The following KYAT3 variants were observed in gnomAD, a reference collection of about 807,000 sequenced individuals.
KYAT3 encodes kynurenine--oxoglutarate transaminase 3.
A neutral mutation model predicts 59.0 loss-of-function variants in KYAT3; 50 were observed. The observed-to-expected ratio is 0.85, with a 90% confidence interval of 0.68 to 1.07. The LOEUF is 1.07. Among genes scored for constraint, KYAT3 ranks in the 50% least tolerant of loss-of-function variants. The pLI, the probability that KYAT3 is intolerant of heterozygous loss-of-function variation, is 0.00. For synonymous variants in KYAT3, 148 were observed against 177.0 expected (o/e 0.84, Z 1.30); for missense variants, 497 against 533.3 (o/e 0.93, Z 0.67).
chr1:88,955,097 A>G, intron 9 of KYAT3, 52 bp downstream of exon 9: 1 of 1,221,790 alleles, frequency 8.2e-7, no homozygotes, highest in Non-Finnish European at 1.2e-6. Context: ...TCAACAAAAA[A>G]TAAATAATAT....
At chr1:88,989,722 G>A (rs970902614) in intron 1 of KYAT3, among the ~76,000 whole-genome samples, 1 of 152,116 alleles carries the variant, frequency 6.6e-6, no homozygotes, top group Non-Finnish European at 1.5e-5. Context: ...TAGGTACCAG[G>A]CCTCAATGCC....
intron 2 of KYAT3, among the ~76,000 whole-genome samples, chr1:88,976,091 G>A (rs924820285): frequency 2.6e-5 from 4 of 151,786 alleles, no homozygotes; most frequent in African/African-American, 9.7e-5. Flanking sequence ...AGGTGCAGTG[G>A]CTCACGCCTG....
Position 88,953,151 on chromosome 1 carries a change from A to T in KYAT3, c.866T>A (p.Leu289His). The change falls in exon 10 of 14, where the codon CTT becomes CAT. Residue 289 changes from leucine to histidine, a missense_variant and splice_region_variant. Transcript: ENST00000260508. ...ATGATTTGGACCAATGGACCAGCCA[A>T]GCTGGGAAAGGAAAAGATAAAAGAT... ...GKTFSVTGWK[L>H]GWSIGPNHLI... The T allele has an allele frequency of 6.2e-7, 1 of 1,604,908 alleles. No individual in the cohort carries two copies. Among genetic ancestry groups the T allele is most frequent in the South Asian group, 1.1e-5 (1 of 90,856 alleles).
At chr1:88,926,830 C>T in the KYAT3 span, among the ~76,000 whole-genome samples, 236 of 152,258 alleles carry the variant, frequency 1.5e-3, no homozygotes, top group Non-Finnish European at 2.0e-3. Context: ...TTACCCACAC[C>T]CTCTCTGAAA....
Position 88,936,164 on chromosome 1 carries a change from T to C in KYAT3, c.*19A>G. ...CATACTAGGTCATCTAACAGAAACA[T>C]TAATCCATTCTGCACAAATCAAGAC... On this transcript the variant is annotated 3_prime_UTR_variant, in exon 14 of 14. Transcript: ENST00000260508. The C allele has an allele frequency of 6.4e-7, 1 of 1,569,352 alleles. No individual in the cohort carries two copies. The highest frequency in any genetic ancestry group is 8.7e-7 in the Non-Finnish European group (1 of 1,143,928).
At chr1:88,983,376 T>C in intron 2 of KYAT3, 1 of 1,614,214 alleles carries the variant, frequency 6.2e-7, no homozygotes, top group Non-Finnish European at 8.5e-7. Context: ...GGTGGTCCTC[T>C]TTTTACTGGG....
chr1:88,930,804 T>C (rs1674891358), downstream of KYAT3, among the ~76,000 whole-genome samples: 1 of 152,152 alleles, frequency 6.6e-6, no homozygotes, highest in Non-Finnish European at 1.5e-5. Flanking sequence ...AGATTATTAT[T>C]GGCTATAAAG....
chr1:88,982,944 G>C (rs1189512202), intron 2 of KYAT3: 1 of 1,613,934 alleles, frequency 6.2e-7, no homozygotes, highest in African/African-American at 1.3e-5. Flanking sequence ...CGTGTAAGTG[G>C]AGCACTACGT....
intron 13 of KYAT3, among the ~76,000 whole-genome samples, chr1:88,941,530 TA>T (rs1436273147): frequency 7.6e-5 from 9 of 118,704 alleles, no homozygotes; most frequent in Middle Eastern, 5.1e-3. Context: ...TCTAGGCTGT[TA>T]TTTTTTTTTT....
chr1:88,939,987 A>G (rs2101013147), intron 13 of KYAT3, among the ~76,000 whole-genome samples: 1 of 151,894 alleles, frequency 6.6e-6, no homozygotes, highest in Non-Finnish European at 1.5e-5. Flanking sequence ...ATTCTCTAAC[A>G]CTTGTTTTTC....
chr1:88,975,352 C>T (rs1375549327), intron 2 of KYAT3, among the ~76,000 whole-genome samples: 1 of 152,162 alleles, frequency 6.6e-6, no homozygotes, highest in Non-Finnish European at 1.5e-5. Flanking sequence ...TGGGTTTCAC[C>T]ACGTTAGCCA....
intron 8 of KYAT3, among the ~76,000 whole-genome samples, chr1:88,959,486 T>C (rs1676060985): frequency 6.8e-6 from 1 of 147,442 alleles, no homozygotes; most frequent in Non-Finnish European, 1.5e-5. Context: ...GGCAGGAGAA[T>C]TGTTGGAATC....
At chr1:88,967,542 G>A (rs1676392794) in intron 4 of KYAT3, among the ~76,000 whole-genome samples, 1 of 152,010 alleles carries the variant, frequency 6.6e-6, no homozygotes. Context: ...TTGTTTGCAG[G>A]AAGACTTTAA....
At chr1:88,967,886 A>G (rs1050122834) in intron 4 of KYAT3, among the ~76,000 whole-genome samples, 1 of 152,014 alleles carries the variant, frequency 6.6e-6, no homozygotes, top group African/African-American at 2.4e-5. Flanking sequence ...CTAGCCTTTC[A>G]TTATGGATTT....
rs1480592231 is a variant in KYAT3, at chr1:88,992,591, G to A, written c.-8C>T. 6.6e-6 allele frequency: 1 copy of A among 152,632 alleles called. No homozygotes were observed. 9.5% of individuals were successfully genotyped at this position (152,632 alleles called of 1,614,324 possible). ...GCGCGCCCGCCCCACTCACCTATCC[G>A]GTGCGGGAACCTCGCCTCCCTAGGC... On this transcript the variant is annotated 5_prime_UTR_variant, in exon 1 of 14. Coordinates refer to ENST00000260508, the MANE Select transcript of KYAT3 (RefSeq NM_001008661.3).
chr1:88,982,478 T>C (rs1337068001), intron 2 of KYAT3: 5 of 1,108,724 alleles, frequency 4.5e-6, no homozygotes, highest in Non-Finnish European at 6.3e-6. Flanking sequence ...AAATTAAACA[T>C]GTTTTACTTT....
intron 8 of KYAT3, among the ~76,000 whole-genome samples, chr1:88,958,977 C>T (rs770260738): frequency 1.3e-5 from 2 of 152,144 alleles, no homozygotes; most frequent in East Asian, 1.9e-4. Context: ...CTAAAACACA[C>T]CCTCATAAAT....
chr1:88,963,879 C>T (rs934991073), intron 5 of KYAT3, among the ~76,000 whole-genome samples: 10 of 152,150 alleles, frequency 6.6e-5, no homozygotes, highest in Non-Finnish European at 1.2e-4. Context: ...AGTACTAAAT[C>T]GCAGAAATCA....
At chr1:88,985,740 C>A (rs1225637265) in intron 2 of KYAT3, among the ~76,000 whole-genome samples, 1 of 152,190 alleles carries the variant, frequency 6.6e-6, no homozygotes, top group Middle Eastern at 3.4e-3. Context: ...TCATGGCATA[C>A]AATATATATA....
Sources: allele counts gnomAD v4.1 joint callset (sites outside exome capture counted in the v4.1 genomes callset), GRCh38; gene constraint gnomAD v4.1.1; transcripts MANE v1.5; gene names NCBI Gene and HGNC (gene_info 2026-07-23, HGNC 2026-07-21).